MINPP1: variants seen among roughly 807,000 people sequenced by gnomAD.
MINPP1 encodes the protein multiple inositol-polyphosphate phosphatase 1, also known as multiple inositol polyphosphate phosphatase 1.
In MINPP1, 28 loss-of-function variants were observed where a neutral mutation model predicts 46.1. That is an observed-to-expected ratio of 0.61 (90% CI 0.45 to 0.83). MINPP1 has a LOEUF of 0.83. MINPP1 is among the 40% of genes least tolerant of loss of function. The pLI, the probability that MINPP1 is intolerant of heterozygous loss-of-function variation, is 0.00. For synonymous variants in MINPP1, 268 were observed against 249.1 expected (o/e 1.08, Z -0.72); for missense variants, 603 against 610.0 (o/e 0.99, Z 0.12).
intron 1 of MINPP1, chr10:87,508,117 C>T: frequency 6.6e-7 from 1 of 1,523,836 alleles, no homozygotes; most frequent in Non-Finnish European, 8.8e-7. Flanking sequence ...TCTTCAATCT[C>T]TATTTCTTTA....
intron 4 of MINPP1, among the ~76,000 whole-genome samples, chr10:87,522,893 A>G (rs1336032069): frequency 6.6e-6 from 1 of 152,254 alleles, no homozygotes. Context: ...CAATCCTCTC[A>G]AAGCCTGTCA....
At position 87,527,382 on chromosome 10, in the gene MINPP1, A is replaced by G. The variant is rs148345258; in HGVS notation, c.1067+6213A>G. Among the ~76,000 whole-genome samples, 983 of 152,312 alleles carry G rather than the reference A, an allele frequency of 6.5e-3. 8 individuals are homozygous for G. Among genetic ancestry groups the G allele is most frequent in the African/African-American group, 0.022 (933 of 41,564 alleles). ...AAGGGAATGCTTCCAGTTTTTGCCCATTCAGTATGATATTGGTTGTGGGTT... is the reference window on the plus strand; with the variant it reads ...AAGGGAATGCTTCCAGTTTTTGCCCGTTCAGTATGATATTGGTTGTGGGTT... On this transcript the variant is annotated intron_variant, in intron 4 of 4. Transcript: ENST00000371996.
At chr10:87,543,010 C>T (rs1289111306) in intron 4 of MINPP1, among the ~76,000 whole-genome samples, 3 of 152,078 alleles carry the variant, frequency 2.0e-5, no homozygotes, top group East Asian at 1.9e-4. Context: ...ATGCTGATAG[C>T]GATATGAACA....
At chr10:87,536,685 C>T (rs1354285670) in intron 4 of MINPP1, among the ~76,000 whole-genome samples, 1 of 152,110 alleles carries the variant, frequency 6.6e-6, no homozygotes, top group East Asian at 1.9e-4. Context: ...TTCTTTCACT[C>T]AACATAGTGA....
intron 3 of MINPP1, among the ~76,000 whole-genome samples, chr10:87,517,637 T>A (rs1851430921): frequency 6.6e-6 from 1 of 152,240 alleles, no homozygotes; most frequent in African/African-American, 2.4e-5. Context: ...GTTTATTCAT[T>A]ATCTTTTCAG....
Position 87,535,871 on chromosome 10 carries a change from G to A in MINPP1, c.1067+14702G>A, listed in dbSNP as rs555049111. Among the ~76,000 whole-genome samples, 237 of 152,262 alleles carry A rather than the reference G, an allele frequency of 1.6e-3. 1 individual carries two copies. Among genetic ancestry groups the A allele is most frequent in the African/African-American group, 3.9e-3 (162 of 41,542 alleles). On this transcript the variant is annotated intron_variant, in intron 4 of 4. Transcript: ENST00000371996. ...CTGAGCCAGGGAGCTCGAGTCTAGG[G>A]TGAGCCGTGATCATGCCACTGTACT...
chr10:87,537,494 G>C (rs1041076485), intron 4 of MINPP1, among the ~76,000 whole-genome samples: 5 of 50,714 alleles, frequency 9.9e-5, no homozygotes, highest in Admixed American at 4.0e-4. Flanking sequence ...TTTTAATTGG[G>C]TTATCTTTAT....
At chr10:87,543,330 T>C (rs953585997) in intron 4 of MINPP1, among the ~76,000 whole-genome samples, 4 of 152,166 alleles carry the variant, frequency 2.6e-5, no homozygotes, top group African/African-American at 9.7e-5. Context: ...AGAAGAATCC[T>C]AGCAGGCTGT....
chr10:87,528,396 C>G (rs1374283990), intron 4 of MINPP1, among the ~76,000 whole-genome samples: 2 of 152,180 alleles, frequency 1.3e-5, no homozygotes, highest in Non-Finnish European at 2.9e-5. Flanking sequence ...CCCAGAGATT[C>G]TGGTATGTTG....
intron 1 of MINPP1, 27 bp from the exon 2 acceptor site, chr10:87,508,309 A>G: frequency 6.2e-7 from 1 of 1,607,870 alleles, no homozygotes; most frequent in Non-Finnish European, 8.5e-7. Context: ...TGATTTACAA[A>G]TACATATAAA....
chr10:87,514,548 G>C (rs929123859), intron 3 of MINPP1, among the ~76,000 whole-genome samples: 1 of 152,092 alleles, frequency 6.6e-6, no homozygotes, highest in Non-Finnish European at 1.5e-5. Context: ...TGGCGTTTTG[G>C]AAGAGTCTAG....
intron 4 of MINPP1, among the ~76,000 whole-genome samples, chr10:87,543,529 C>T (rs763167342): frequency 5.3e-5 from 8 of 152,058 alleles, no homozygotes; most frequent in Admixed American, 1.3e-4. Flanking sequence ...GTGGTGCATG[C>T]CTGTAGTCCC....
rs1470292501 is a variant in MINPP1, at chr10:87,505,862, T to G, written c.637+310T>G. 6.6e-6 allele frequency among the ~76,000 whole-genome samples: 1 copy of G among 152,160 alleles called. No homozygotes were observed. The highest frequency in any genetic ancestry group is 1.5e-5 in the Non-Finnish European group (1 of 68,034). On this transcript the variant is annotated intron_variant, in intron 1 of 4. Transcript: ENST00000371996. The surrounding 1 kb of genome is among the most constrained non-coding windows in gnomAD (Gnocchi z 4.4). The stretch of plus-strand genomic sequence containing the variant: ...GACAGACGAGGTCTCCCGCAATTTT[T>G]GCGCTCCCGTTCCCAAACTGAATTG...
chr10:87,539,174 C>T (rs1209548242), intron 4 of MINPP1, among the ~76,000 whole-genome samples: 1 of 152,282 alleles, frequency 6.6e-6, no homozygotes, highest in East Asian at 1.9e-4. Context: ...AAACCTAAAA[C>T]ATTATGATTC....
Position 87,552,105 on chromosome 10 carries a change from T to C in MINPP1, c.1091T>C (p.Val364Ala). The C allele has an allele frequency of 6.2e-7, 1 of 1,613,066 alleles. No individual in the cohort carries two copies. Among genetic ancestry groups the C allele is most frequent in the Non-Finnish European group, 8.5e-7 (1 of 1,179,418 alleles). Reference protein sequence around the residue: ...KQRSQPISSPVILQFGHAETL... With the variant: ...KQRSQPISSPAILQFGHAETL... Reference sequence around the variant, plus strand: ...AGGTCTCAGCCAATTTCTTCTCCAGTCATCCTCCAGTTTGGTCATGCAGAG... The same window carrying C: ...AGGTCTCAGCCAATTTCTTCTCCAGCCATCCTCCAGTTTGGTCATGCAGAG... The change falls in exon 5 of 5, where the codon GTC becomes GCC. Residue 364 changes from valine (V) to alanine (A), a missense_variant. Transcript: ENST00000371996.
chr10:87,535,509 G>A (rs920409704), intron 4 of MINPP1, among the ~76,000 whole-genome samples: 5 of 152,240 alleles, frequency 3.3e-5, no homozygotes, highest in Admixed American at 6.5e-5. Context: ...ATGTGGGAAT[G>A]AAAATGTAAA....
chr10:87,547,823 G>A (rs920068775), intron 4 of MINPP1, among the ~76,000 whole-genome samples: 5 of 152,142 alleles, frequency 3.3e-5, no homozygotes, highest in Non-Finnish European at 7.4e-5. Context: ...CACTGTGGCT[G>A]TTTGCTATCA....
chr10:87,538,357 C>G (rs1851768159), intron 4 of MINPP1, among the ~76,000 whole-genome samples: 1 of 152,190 alleles, frequency 6.6e-6, no homozygotes, highest in East Asian at 1.9e-4. Context: ...GTGCCATAGT[C>G]TGGAAACTCG....
Position 87,505,245 on chromosome 10 carries a change from G to T in MINPP1, c.330G>T (p.Gln110His). The change falls in exon 1 of 5, where the codon CAG (glutamine) becomes CAT (histidine). Residue 110 changes from glutamine (Q) to histidine (H), a missense_variant. Coordinates refer to ENST00000371996, the MANE Select transcript of MINPP1 (RefSeq NM_004897.5). This position sits in a 1 kb window ranked among gnomAD's most constrained non-coding sequence, Gnocchi z 4.4. ...RKLRQLHGLL[Q>H]ARGSRDGGAS... Reference sequence around the variant, plus strand: ...TGAGGCAGCTGCACGGGTTGCTGCAGGCCCGCGGGTCCAGGGATGGCGGGG... The same window carrying T: ...TGAGGCAGCTGCACGGGTTGCTGCATGCCCGCGGGTCCAGGGATGGCGGGG... 1 of 1,612,620 alleles carries T rather than the reference G, an allele frequency of 6.2e-7. No individual in the cohort carries two copies. The highest frequency in any genetic ancestry group is 8.5e-7 in the Non-Finnish European group (1 of 1,179,164).
Sources: allele counts gnomAD v4.1 joint callset (sites outside exome capture counted in the v4.1 genomes callset), GRCh38; gene constraint gnomAD v4.1.1; non-coding constraint Gnocchi (gnomAD v3.1); transcripts MANE v1.5; gene names NCBI Gene and HGNC (gene_info 2026-07-23, HGNC 2026-07-21).